SASH1: variants seen among roughly 807,000 people sequenced by gnomAD.
SASH1 encodes SAM and SH3 domain containing 1, also known as SAM and SH3 domain-containing protein 1.
Under a neutral mutation model 125.2 loss-of-function variants are expected in SASH1, and 44 were observed. That is an observed-to-expected ratio of 0.35 (90% CI 0.28 to 0.45). SASH1 has a LOEUF of 0.45. SASH1 is among the 20% of genes least tolerant of loss of function. SASH1 has a pLI of 1.00. For missense variants in SASH1, 1,426 were observed against 1,614.5 expected, an observed-to-expected ratio of 0.88 and a Z score of 2.00; for synonymous variants, 639 against 649.1, an observed-to-expected ratio of 0.98 and a Z score of 0.24.
intron 2 of SASH1, among the ~76,000 whole-genome samples, chr6:148,396,797 C>G (rs1783973154): frequency 6.6e-6 from 1 of 152,176 alleles, no homozygotes; most frequent in Non-Finnish European, 1.5e-5. Context: ...TTTTACTTAC[C>G]TGGCAAGTGA....
chr6:148,251,276 C>T, the SASH1 span, among the ~76,000 whole-genome samples: 2 of 152,156 alleles, frequency 1.3e-5, no homozygotes, highest in Non-Finnish European at 2.9e-5. Context: ...GGCTTACAAA[C>T]AAAGAGTGAT....
chr6:148,533,854 G>A lies in SASH1; in HGVS notation c.1818G>A (p.Lys606=). 10 of 1,614,116 alleles carry A rather than the reference G, an allele frequency of 6.2e-6. No homozygotes were observed. The highest frequency in any genetic ancestry group is 8.5e-6 in the Non-Finnish European group (10 of 1,179,996). ...TGAACAACAAAGTCGGCACGTTCAA[G>A]TTCATCTACGTGGACGTGCTCAGTG... ...GLLNNKVGTF[K]FIYVDVLSED... The change falls in exon 15 of 20, where the codon AAG becomes AAA. Residue 606 remains lysine (K), a synonymous_variant. Transcript: ENST00000367467. The surrounding 1 kb of genome is among the most constrained non-coding windows in gnomAD (Gnocchi z 6.2).
At chr6:148,203,887 A>G in the SASH1 span, among the ~76,000 whole-genome samples, 3 of 152,332 alleles carry the variant, frequency 2.0e-5, no homozygotes, top group Non-Finnish European at 1.5e-5. Context: ...TCCAGTAGAG[A>G]AACTCTATCG....
chr6:148,453,176 C>T (rs1301858504), intron 4 of SASH1, among the ~76,000 whole-genome samples: 1 of 152,184 alleles, frequency 6.6e-6, no homozygotes, highest in Non-Finnish European at 1.5e-5. Context: ...GCCCTGTGTC[C>T]TTTGCCGGTG....
rs529943502 is a variant in SASH1 at position 148,302,187 on chromosome 6, C to T, written n.74+29810C>T. Among the ~76,000 whole-genome samples the T allele has an allele frequency of 5.6e-4, 85 of 150,786 alleles. 2 individuals are homozygous for T. In the South Asian group the frequency reaches 0.016, roughly 28 times the overall value. ...AAAATTAGCCGGGCGTGGTGGCGGGCGCCTGTAGTCCCAGCTACTCGGGAG... is the reference window on the plus strand; with the variant it reads ...AAAATTAGCCGGGCGTGGTGGCGGGTGCCTGTAGTCCCAGCTACTCGGGAG... On this transcript the variant is annotated intron_variant and non_coding_transcript_variant, in intron 1 of 3. Transcript: ENST00000367469.
upstream of SASH1, among the ~76,000 whole-genome samples, chr6:148,341,606 C>A (rs1207744387): frequency 3.9e-5 from 6 of 152,124 alleles, no homozygotes; most frequent in Non-Finnish European, 1.5e-5. Context: ...AATACTTGAA[C>A]AAGGGGAATT....
chr6:148,453,222 A>G (rs1012537392), intron 4 of SASH1, among the ~76,000 whole-genome samples: 3 of 152,148 alleles, frequency 2.0e-5, no homozygotes, highest in African/African-American at 7.2e-5. Flanking sequence ...ATGGCTGGGG[A>G]CAGGTGCTGC....
chr6:148,400,248 GT>G (rs1562381487), intron 2 of SASH1, among the ~76,000 whole-genome samples: 1 of 152,230 alleles, frequency 6.6e-6, no homozygotes, highest in Non-Finnish European at 1.5e-5. Flanking sequence ...AGAACCCTGT[GT>G]GGGGCCTGAG....
intron 1 of SASH1, among the ~76,000 whole-genome samples, chr6:148,351,376 TCTC>T (rs1781725629): frequency 6.6e-6 from 1 of 152,076 alleles, no homozygotes. Context: ...ACATTGCAGT[TCTC>T]CTTGGGTGTC....
the SASH1 span, among the ~76,000 whole-genome samples, chr6:148,199,680 G>C: frequency 6.6e-6 from 1 of 151,904 alleles, no homozygotes; most frequent in East Asian, 1.9e-4. Context: ...CTGGGTGACA[G>C]AGCAAGACTT....
intron 2 of SASH1, among the ~76,000 whole-genome samples, chr6:148,422,290 G>C (rs192719999): frequency 2.6e-5 from 4 of 152,342 alleles, no homozygotes; most frequent in African/African-American, 9.6e-5. Flanking sequence ...CTCTGTTCTG[G>C]ATAAACAGTA....
intron 9 of SASH1, 44 bp downstream of exon 9, chr6:148,514,500 C>G: frequency 1.5e-6 from 2 of 1,358,060 alleles, no homozygotes; most frequent in Non-Finnish European, 1.9e-6. Context: ...AGACTCCACC[C>G]TGGTTATTCC....
chr6:148,252,097 C>A, the SASH1 span, among the ~76,000 whole-genome samples: 4 of 152,062 alleles, frequency 2.6e-5, no homozygotes, highest in African/African-American at 9.7e-5. Context: ...GAAGTAAACT[C>A]TTTCTAGTCT....
the SASH1 span, among the ~76,000 whole-genome samples, chr6:148,214,531 A>G: frequency 6.6e-6 from 1 of 152,204 alleles, no homozygotes. Flanking sequence ...ATACATGTAA[A>G]GCACTTACTT....
rs116273782 is a variant in SASH1 at position 148,326,759 on chromosome 6, C to T, written n.74+54382C>T. Among the ~76,000 whole-genome samples, 451 of 152,144 alleles carry T rather than the reference C, an allele frequency of 3.0e-3. 3 individuals carry two copies. The highest frequency in any genetic ancestry group is 0.01 in the African/African-American group (435 of 41,530). The stretch of plus-strand genomic sequence containing the variant: ...ACATAATGAGATTTTATCATTCACT[C>T]GGATTACTACTCAGCTTTCCTTGCT... On this transcript the variant is annotated intron_variant and non_coding_transcript_variant, in intron 1 of 3. Coordinates refer to the SASH1 transcript ENST00000367469.
rs139744329 is a variant in SASH1 at position 148,335,049 on chromosome 6, G to C, written n.75-55085G>C. Among the ~76,000 whole-genome samples, 638 of 151,490 alleles carry C rather than the reference G, an allele frequency of 4.2e-3. 8 individuals are homozygous for C. The highest frequency in any genetic ancestry group is 0.015 in the African/African-American group (615 of 41,284). Reference sequence around the variant, plus strand: ...GTGGTGGCTCACACTTGTAATCCCAGCACTATGGGAGGCCGAGGCAGGTGG... The same window carrying C: ...GTGGTGGCTCACACTTGTAATCCCACCACTATGGGAGGCCGAGGCAGGTGG... On this transcript the variant is annotated intron_variant and non_coding_transcript_variant, in intron 1 of 3. Coordinates refer to the SASH1 transcript ENST00000367469.
At chr6:148,357,500 G>A (rs745828527) in intron 1 of SASH1, among the ~76,000 whole-genome samples, 2 of 152,270 alleles carry the variant, frequency 1.3e-5, no homozygotes, top group Non-Finnish European at 2.9e-5. Context: ...CCCACAGTCT[G>A]GGTTTTCCCA....
the SASH1 span, among the ~76,000 whole-genome samples, chr6:148,255,042 C>G: frequency 3.9e-5 from 6 of 152,240 alleles, no homozygotes; most frequent in South Asian, 1.0e-3. Flanking sequence ...GAATGAAGTA[C>G]TAATCCATGT....
chr6:148,352,945 G>A (rs1006471695), intron 1 of SASH1, among the ~76,000 whole-genome samples: 1 of 152,132 alleles, frequency 6.6e-6, no homozygotes, highest in Non-Finnish European at 1.5e-5. Flanking sequence ...ACGCCAGCCC[G>A]GGTGACAGAG....
Sources: gnomAD v4.1 joint callset for allele counts (sites outside exome capture counted in the v4.1 genomes callset) on GRCh38, gnomAD v4.1.1 for gene constraint, Gnocchi (gnomAD v3.1) non-coding constraint, MANE v1.5 for transcripts, NCBI Gene and HGNC (gene_info 2026-07-23, HGNC 2026-07-21) for gene names.